IFT81: variants seen among roughly 807,000 people sequenced by gnomAD.
IFT81 encodes intraflagellar transport 81, also known as intraflagellar transport protein 81 homolog.
In IFT81, 72 loss-of-function variants were observed where a neutral mutation model predicts 102.6. The ratio of observed to expected loss-of-function variants is 0.70; its 90% CI spans 0.58 to 0.85. IFT81 has a LOEUF of 0.85. Ranked by LOEUF, IFT81 falls within the 40% of genes least tolerant of loss-of-function variation. The pLI is 0.00. For missense variants in IFT81, 723 were observed against 787.3 expected, an observed-to-expected ratio of 0.92 and a Z score of 0.98; for synonymous variants, 237 against 242.7, an observed-to-expected ratio of 0.98 and a Z score of 0.22.
chr12:110,217,744 T>C (rs930135885), intron 18 of IFT81, among the ~76,000 whole-genome samples: 2 of 151,952 alleles, frequency 1.3e-5, no homozygotes, highest in African/African-American at 4.8e-5. Flanking sequence ...TTTTGTATTT[T>C]TTTGGAGAAC....
At chr12:110,160,182 G>A (rs551924771) in intron 10 of IFT81, among the ~76,000 whole-genome samples, 1 of 152,244 alleles carries the variant, frequency 6.6e-6, no homozygotes, top group Non-Finnish European at 1.5e-5. Context: ...ATAGGATATA[G>A]GTATATATAA....
At chr12:110,200,087 T>C (rs1898193352) in intron 14 of IFT81, among the ~76,000 whole-genome samples, 1 of 152,188 alleles carries the variant, frequency 6.6e-6, no homozygotes, top group African/African-American at 2.4e-5. Context: ...CCTGTTAATT[T>C]CTTTTATTTC....
At chr12:110,165,598 G>GCT (rs1438125545) in intron 11 of IFT81, among the ~76,000 whole-genome samples, 3 of 152,174 alleles carry the variant, frequency 2.0e-5, no homozygotes, top group African/African-American at 7.2e-5. Context: ...TTTATACAAA[G>GCT]CTCTGTTCCA....
intron 14 of IFT81, among the ~76,000 whole-genome samples, chr12:110,202,454 C>T (rs1593369281): frequency 6.6e-6 from 1 of 150,784 alleles, no homozygotes; most frequent in South Asian, 2.1e-4. Context: ...ATTGTGATTC[C>T]ACCTTTTTTT....
intron 11 of IFT81, among the ~76,000 whole-genome samples, chr12:110,165,433 A>G (rs180762667): frequency 6.6e-6 from 1 of 152,180 alleles, no homozygotes; most frequent in Non-Finnish European, 1.5e-5. Flanking sequence ...TTGATATCAC[A>G]TAGTAATCTC....
chr12:110,196,201 G>A (rs905066242), intron 14 of IFT81, among the ~76,000 whole-genome samples: 1 of 152,138 alleles, frequency 6.6e-6, no homozygotes, highest in East Asian at 1.9e-4. Context: ...GGCAAATTTT[G>A]TTATGTGTAT....
At chr12:110,209,981 T>C (rs535849747) in intron 18 of IFT81, among the ~76,000 whole-genome samples, 2 of 152,272 alleles carry the variant, frequency 1.3e-5, no homozygotes, top group East Asian at 3.9e-4. Flanking sequence ...GAAATAGGAC[T>C]GTATAATTAT....
intron 12 of IFT81, among the ~76,000 whole-genome samples, chr12:110,188,764 A>G (rs1428040394): frequency 6.7e-6 from 1 of 150,144 alleles, no homozygotes; most frequent in East Asian, 2.0e-4. Context: ...CTCTACTAAA[A>G]ATACAAAAAA....
At chr12:110,152,194 T>C (rs996972327) in intron 10 of IFT81, among the ~76,000 whole-genome samples, 1 of 152,214 alleles carries the variant, frequency 6.6e-6, no homozygotes, top group Non-Finnish European at 1.5e-5. Context: ...CTGGATTATA[T>C]GCTAGCTCTA....
At chr12:110,152,107 A>G (rs1414698732) in intron 10 of IFT81, among the ~76,000 whole-genome samples, 1 of 152,198 alleles carries the variant, frequency 6.6e-6, no homozygotes, top group Non-Finnish European at 1.5e-5. Context: ...TAATGCTGCA[A>G]TGACCATGTA....
chr12:110,180,501 C>T lies in IFT81; in HGVS notation c.1268C>T (p.Ala423Val). The T allele has an allele frequency of 6.2e-7, 1 of 1,610,902 alleles. No homozygotes were observed. The highest frequency in any genetic ancestry group is 1.3e-5 in the African/African-American group (1 of 74,944). ...KKHQIIAELK[A>V]EFGLLQRTEE... Reference sequence around the variant, plus strand: ...CATCAGATAATAGCTGAACTTAAAGCTGAATTCGGTCTTTTGCAGAGGACT... The same window carrying T: ...CATCAGATAATAGCTGAACTTAAAGTTGAATTCGGTCTTTTGCAGAGGACT... Residue 423 changes from alanine to valine, a missense_variant, in exon 12 of 19, where the codon GCT (alanine) becomes GTT (valine). By Grantham distance (64) the Ala-to-Val change is moderately conservative. Coordinates refer to ENST00000242591, the MANE Select transcript of IFT81 (RefSeq NM_014055.4).
At chr12:110,161,491 T>C (rs1407665432) in intron 10 of IFT81, among the ~76,000 whole-genome samples, 10 of 151,846 alleles carry the variant, frequency 6.6e-5, no homozygotes, top group Non-Finnish European at 1.2e-4. Flanking sequence ...TCACCCAGGC[T>C]GGAGTGTAGT....
At chr12:110,141,120 G>A (rs1381665497) in intron 8 of IFT81, among the ~76,000 whole-genome samples, 4 of 151,966 alleles carry the variant, frequency 2.6e-5, no homozygotes, top group Non-Finnish European at 5.9e-5. Flanking sequence ...TGCCTCCCGG[G>A]TTCAAACGAA....
chr12:110,168,513 A>G, intron 11 of IFT81: 1 of 888,202 alleles, frequency 1.1e-6, no homozygotes, highest in Non-Finnish European at 1.3e-6. Context: ...AAACGATTAT[A>G]CTACATTAAT....
chr12:110,156,067 A>G (rs923338866), intron 10 of IFT81, among the ~76,000 whole-genome samples: 1 of 152,354 alleles, frequency 6.6e-6, no homozygotes, highest in African/African-American at 2.4e-5. Flanking sequence ...CTCTTAAATT[A>G]TATCTTTTAC....
intron 4 of IFT81, 70 bp downstream of exon 4, chr12:110,129,200 A>G: frequency 8.5e-7 from 1 of 1,175,880 alleles, no homozygotes; most frequent in Non-Finnish European, 1.2e-6. Context: ...AATACATGTT[A>G]CTCTTTTTTT....
intron 11 of IFT81, among the ~76,000 whole-genome samples, chr12:110,167,077 A>G (rs1402312668): frequency 6.6e-6 from 1 of 152,078 alleles, no homozygotes; most frequent in East Asian, 1.9e-4. Flanking sequence ...TCCTACTGCC[A>G]TTAAAGTTAA....
intron 14 of IFT81, among the ~76,000 whole-genome samples, chr12:110,193,709 A>T (rs1482841715): frequency 6.6e-6 from 1 of 152,226 alleles, no homozygotes; most frequent in Admixed American, 6.5e-5. Context: ...ACTTACTTTA[A>T]TGGACAACCC....
intron 11 of IFT81, among the ~76,000 whole-genome samples, chr12:110,174,040 G>C (rs1397687582): frequency 1.3e-5 from 2 of 151,970 alleles, no homozygotes; most frequent in Non-Finnish European, 2.9e-5. Flanking sequence ...CACTTTGGGA[G>C]ACTGAGGCGG....
Sources: allele counts gnomAD v4.1 joint callset (sites outside exome capture counted in the v4.1 genomes callset), GRCh38; gene constraint gnomAD v4.1.1; transcripts MANE v1.5; gene names NCBI Gene and HGNC (gene_info 2026-07-23, HGNC 2026-07-21).